The following UBE2L3 variants were observed in gnomAD, a reference collection of about 807,000 sequenced individuals.
UBE2L3 encodes ubiquitin conjugating enzyme E2 L3.
UBE2L3 carries 1 observed loss-of-function variant against 17.8 expected under a neutral mutation model. That is an observed-to-expected ratio of 0.06 (90% CI 0.02 to 0.27). UBE2L3 has a LOEUF of 0.27. Among genes scored for constraint, UBE2L3 ranks in the 10% least tolerant of loss-of-function variants. UBE2L3 has a pLI of 1.00. For synonymous variants in UBE2L3, 44 were observed against 68.5 expected (o/e 0.64, Z 1.76); for missense variants, 40 against 192.6 (o/e 0.21, Z 4.69).
At chr22:21,597,676 G>A (rs955423647) in intron 2 of UBE2L3, among the ~76,000 whole-genome samples, 2 of 147,944 alleles carry the variant, frequency 1.4e-5, no homozygotes, top group African/African-American at 2.5e-5. Context: ...TTAAGACACT[G>A]TTGCCAAATC....
chr22:21,577,348 G>A (rs1190260120), intron 1 of UBE2L3, among the ~76,000 whole-genome samples: 1 of 151,734 alleles, frequency 6.6e-6, no homozygotes, highest in Non-Finnish European at 1.5e-5. Context: ...CAGGTGATCC[G>A]CCTGCCTCAG....
intron 2 of UBE2L3, among the ~76,000 whole-genome samples, chr22:21,600,661 A>T (rs1036522573): frequency 2.6e-5 from 4 of 152,040 alleles, no homozygotes; most frequent in East Asian, 1.9e-4. Context: ...GCGCCACTGC[A>T]CTCCAGCCTG....
intron 1 of UBE2L3, among the ~76,000 whole-genome samples, chr22:21,584,894 G>C (rs554914205): frequency 3.0e-4 from 46 of 152,292 alleles, no homozygotes; most frequent in Admixed American, 7.2e-4. Context: ...CTGGGAGGCG[G>C]AGGTTGGAGT....
At chr22:21,558,417 G>A (rs975587492) in intron 1 of UBE2L3, among the ~76,000 whole-genome samples, 1 of 152,250 alleles carries the variant, frequency 6.6e-6, no homozygotes, top group African/African-American at 2.4e-5. Context: ...CGGATCACGA[G>A]GTCAGGAGAT....
At chr22:21,613,221 A>G (rs1428574987) in intron 3 of UBE2L3, among the ~76,000 whole-genome samples, 1 of 152,134 alleles carries the variant, frequency 6.6e-6, no homozygotes, top group African/African-American at 2.4e-5. Flanking sequence ...GCCACCTCTC[A>G]TGGGGCTGCT....
At chr22:21,568,010 C>T (rs1404093426) in intron 1 of UBE2L3, 3 of 1,327,414 alleles carry the variant, frequency 2.3e-6, no homozygotes, top group Non-Finnish European at 2.9e-6. Flanking sequence ...CGGCCCGGGG[C>T]GTTCACGCCA....
intron 2 of UBE2L3, among the ~76,000 whole-genome samples, chr22:21,593,378 G>A (rs190061175): frequency 1.3e-5 from 2 of 152,082 alleles, no homozygotes; most frequent in East Asian, 1.9e-4. Flanking sequence ...CCTGTATTTC[G>A]GGCTTTATTC....
intron 2 of UBE2L3, among the ~76,000 whole-genome samples, chr22:21,607,514 T>TAAA (rs758366095): frequency 6.4e-5 from 7 of 108,948 alleles, no homozygotes; most frequent in African/African-American, 1.8e-4. Context: ...GACTCCGTCT[T>TAAA]AAAAAAAAAA....
At chr22:21,591,897 A>G (rs1009739263) in intron 1 of UBE2L3, among the ~76,000 whole-genome samples, 11 of 152,054 alleles carry the variant, frequency 7.2e-5, no homozygotes, top group Admixed American at 6.6e-5. Flanking sequence ...GTGGCACTTC[A>G]TGTGTCAGAG....
At chr22:21,599,637 A>G (rs1928747182) in intron 2 of UBE2L3, among the ~76,000 whole-genome samples, 1 of 152,206 alleles carries the variant, frequency 6.6e-6, no homozygotes, top group Non-Finnish European at 1.5e-5. Context: ...CTATGAAAAA[A>G]TATAGGCAGT....
At chr22:21,572,130 A>C (rs1308341677) in intron 1 of UBE2L3, among the ~76,000 whole-genome samples, 1 of 152,070 alleles carries the variant, frequency 6.6e-6, no homozygotes, top group East Asian at 1.9e-4. Flanking sequence ...CTTTTAAGGT[A>C]TTTACTAGAA....
upstream of UBE2L3, chr22:21,567,640 C>G: frequency 4.5e-6 from 7 of 1,545,254 alleles, no homozygotes; most frequent in Non-Finnish European, 6.1e-6. Flanking sequence ...CGCTCTGCTC[C>G]TGTGCCCCGC....
chr22:21,568,378 G>T, intron 1 of UBE2L3: 1 of 985,492 alleles, frequency 1.0e-6, no homozygotes, highest in Non-Finnish European at 1.2e-6. Context: ...CACACAGCGG[G>T]TAAGTTCCAA....
intron 2 of UBE2L3, among the ~76,000 whole-genome samples, chr22:21,594,754 G>A (rs926471887): frequency 2.0e-5 from 3 of 152,170 alleles, no homozygotes; most frequent in African/African-American, 7.2e-5. Flanking sequence ...CATGGGAGGG[G>A]TTGGCCTGTG....
chr22:21,577,539 C>T (rs1156563673), intron 1 of UBE2L3, among the ~76,000 whole-genome samples: 1 of 152,210 alleles, frequency 6.6e-6, no homozygotes, highest in African/African-American at 2.4e-5. Flanking sequence ...GGAAAGCAGA[C>T]ACCAGTGGCC....
chr22:21,568,535 A>G (rs1275754784), intron 1 of UBE2L3, among the ~76,000 whole-genome samples: 2 of 152,148 alleles, frequency 1.3e-5, no homozygotes, highest in African/African-American at 4.8e-5. Flanking sequence ...AAAACGGGCC[A>G]AAGTTTATAA....
intron 1 of UBE2L3, among the ~76,000 whole-genome samples, chr22:21,575,412 T>TA (rs547379857): frequency 0.25 from 25,088 of 101,634 alleles, 3,148 homozygotes; most frequent in East Asian, 0.39. Flanking sequence ...CCATCTCTAC[T>TA]AAAAAAAAAA....
chr22:21,602,800 A>G (rs528210782), intron 2 of UBE2L3, among the ~76,000 whole-genome samples: 77 of 152,342 alleles, frequency 5.1e-4, no homozygotes, highest in African/African-American at 1.8e-3. Flanking sequence ...AGACTCGAGA[A>G]AAGGGCCAGT....
chr22:21,571,792 A>C (rs925678189), intron 1 of UBE2L3, among the ~76,000 whole-genome samples: 2 of 152,192 alleles, frequency 1.3e-5, no homozygotes, highest in African/African-American at 4.8e-5. Context: ...CTAAAAGTTC[A>C]TTCCTTGGGT....
Sources: gnomAD v4.1 joint callset for allele counts (sites outside exome capture counted in the v4.1 genomes callset) on GRCh38, gnomAD v4.1.1 for gene constraint, MANE v1.5 for transcripts, NCBI Gene and HGNC (gene_info 2026-07-23, HGNC 2026-07-21) for gene names.